The following CHST11 variants were observed in gnomAD, a reference collection of about 807,000 sequenced individuals.
CHST11 encodes the protein C4S-1.
A neutral mutation model predicts 30.4 loss-of-function variants in CHST11; 9 were observed. That is an observed-to-expected ratio of 0.30 (90% CI 0.18 to 0.52). The LOEUF (loss-of-function observed/expected upper bound fraction) is 0.52, where lower values mean the gene tolerates loss of function less well. Ranked by LOEUF, CHST11 falls within the 20% of genes least tolerant of loss-of-function variation. The probability of loss-of-function intolerance (pLI) is 0.97; values close to 1 mark genes in which losing one functional copy is unlikely to be tolerated. For synonymous variants in CHST11, 152 were observed against 187.8 expected (o/e 0.81, Z 1.56); for missense variants, 348 against 460.6 (o/e 0.76, Z 2.24).
intron 1 of CHST11, among the ~76,000 whole-genome samples, chr12:104,546,340 T>C (rs979156394): frequency 9.6e-5 from 11 of 114,154 alleles, no homozygotes; most frequent in East Asian, 6.8e-4. Context: ...TGGTGGTGCA[T>C]GCCTGTAGTC....
chr12:104,707,412 AAAT>A, intron 2 of CHST11, among the ~76,000 whole-genome samples: 1 of 152,354 alleles, frequency 6.6e-6, no homozygotes. Context: ...AAAAAATAAA[AAAT>A]AGCGCACACT....
intron 2 of CHST11, among the ~76,000 whole-genome samples, chr12:104,751,893 C>T (rs907721085): frequency 2.0e-5 from 3 of 152,238 alleles, no homozygotes; most frequent in Non-Finnish European, 4.4e-5. Context: ...CCCTAATACA[C>T]TGTCCTTATT....
chr12:104,602,082 T>A, intron 2 of CHST11, 91 bp downstream of exon 2: 2 of 896,408 alleles, frequency 2.2e-6, no homozygotes, highest in Non-Finnish European at 3.6e-6. Flanking sequence ...TTGGGGGATT[T>A]AAAACTTCCT....
At chr12:104,722,623 A>G (rs1436431296) in intron 2 of CHST11, among the ~76,000 whole-genome samples, 2 of 151,994 alleles carry the variant, frequency 1.3e-5, no homozygotes, top group African/African-American at 4.8e-5. Flanking sequence ...GCTATGGTGG[A>G]CGTAGCCTGG....
intron 2 of CHST11, among the ~76,000 whole-genome samples, chr12:104,682,113 G>A (rs946044511): frequency 1.3e-5 from 2 of 152,220 alleles, no homozygotes; most frequent in East Asian, 1.9e-4. Flanking sequence ...GATTACAGGC[G>A]TGAGCCACCG....
intron 2 of CHST11, among the ~76,000 whole-genome samples, chr12:104,690,082 G>A (rs1592840585): frequency 6.6e-6 from 1 of 152,216 alleles, no homozygotes; most frequent in Non-Finnish European, 1.5e-5. Context: ...TGACGAAGGT[G>A]AAGATTTAAA....
intron 1 of CHST11, among the ~76,000 whole-genome samples, chr12:104,559,183 T>C (rs2038489362): frequency 6.6e-6 from 1 of 152,144 alleles, no homozygotes; most frequent in Admixed American, 6.5e-5. Context: ...TGGCTACCTC[T>C]CTAGGTATCG....
chr12:104,645,979 G>A (rs1011090881), intron 2 of CHST11, among the ~76,000 whole-genome samples: 1 of 152,144 alleles, frequency 6.6e-6, no homozygotes, highest in Admixed American at 6.5e-5. Flanking sequence ...CTTGGTGATG[G>A]CACCATACTC....
chr12:104,652,031 A>G (rs1366152612), intron 2 of CHST11, among the ~76,000 whole-genome samples: 3 of 152,210 alleles, frequency 2.0e-5, no homozygotes, highest in Non-Finnish European at 2.9e-5. Context: ...TTTCCTGAGC[A>G]GGGATAATTA....
chr12:104,665,173 G>T (rs1263297323), intron 2 of CHST11, among the ~76,000 whole-genome samples: 2 of 152,164 alleles, frequency 1.3e-5, no homozygotes, highest in African/African-American at 4.8e-5. Context: ...GGATCGAAAG[G>T]CCTGACTCTG....
At chr12:104,667,521 G>A (rs534062561) in intron 2 of CHST11, among the ~76,000 whole-genome samples, 20 of 152,328 alleles carry the variant, frequency 1.3e-4, no homozygotes, top group South Asian at 6.2e-4. Flanking sequence ...AATTTTGGCC[G>A]TCATTTGGGA....
At chr12:104,514,473 C>A in intron 1 of CHST11, 1 of 736,108 alleles carries the variant, frequency 1.4e-6, no homozygotes. Context: ...GTCCCTGCTG[C>A]TACGACTCCA....
At chr12:104,692,710 CAT>C (rs796306528) in intron 2 of CHST11, among the ~76,000 whole-genome samples, 4 of 152,248 alleles carry the variant, frequency 2.6e-5, no homozygotes, top group African/African-American at 9.6e-5. Flanking sequence ...CACCTCCTGT[CAT>C]ATCAGTGGCC....
At chr12:104,612,507 A>G (rs1176278050) in intron 2 of CHST11, among the ~76,000 whole-genome samples, 1 of 152,138 alleles carries the variant, frequency 6.6e-6, no homozygotes, top group African/African-American at 2.4e-5. Flanking sequence ...CATCTTAGCT[A>G]ATTACATCTG....
intron 2 of CHST11, among the ~76,000 whole-genome samples, chr12:104,703,988 G>A (rs1453452290): frequency 6.6e-6 from 1 of 152,196 alleles, no homozygotes; most frequent in African/African-American, 2.4e-5. Flanking sequence ...GGCTCCTTAG[G>A]GCCTGGTTCG....
rs749111640 is a variant in CHST11 at position 104,757,356 on chromosome 12, C to T, written c.612C>T (p.Tyr204=). ...ACCGCAACAAGTTCACCCAGAAGTA[C>T]AACATCTCCTTCCACAAGCGGTACG... ...SAYRNKFTQK[Y]NISFHKRYGT... Residue 204 remains tyrosine (Y), a synonymous_variant, in exon 3 of 3, where the codon TAC becomes TAT. Coordinates refer to ENST00000303694, the MANE Select transcript of CHST11 (RefSeq NM_018413.6). The surrounding 1 kb of genome is among the most constrained non-coding windows in gnomAD (Gnocchi z 6.5). 6.2e-7 allele frequency: 1 copy of T among 1,614,154 alleles called. No homozygotes were observed. The highest frequency in any genetic ancestry group is 1.1e-5 in the South Asian group (1 of 91,078).
At chr12:104,680,430 G>T (rs369622745) in intron 2 of CHST11, among the ~76,000 whole-genome samples, 7 of 152,224 alleles carry the variant, frequency 4.6e-5, no homozygotes, top group Non-Finnish European at 1.0e-4. Context: ...ATGTGGGGAT[G>T]GGGACGGACA....
intron 1 of CHST11, among the ~76,000 whole-genome samples, chr12:104,584,664 G>A (rs548303122): frequency 1.5e-5 from 1 of 65,632 alleles, no homozygotes; most frequent in Middle Eastern, 6.4e-3. Flanking sequence ...TAAAGCAGCG[G>A]TTTAAGTGGT....
intron 2 of CHST11, among the ~76,000 whole-genome samples, chr12:104,620,181 G>A (rs1358971080): frequency 6.6e-6 from 1 of 152,138 alleles, no homozygotes; most frequent in Non-Finnish European, 1.5e-5. Flanking sequence ...CTCCCAAATG[G>A]TGCCCCCCCA....
Sources: allele counts gnomAD v4.1 joint callset (sites outside exome capture counted in the v4.1 genomes callset), GRCh38; gene constraint gnomAD v4.1.1; non-coding constraint Gnocchi (gnomAD v3.1); transcripts MANE v1.5; gene names NCBI Gene and HGNC (gene_info 2026-07-23, HGNC 2026-07-21).